ATM: variants seen among roughly 807,000 people sequenced by gnomAD.
ATM encodes the protein ATM serine/threonine kinase, also known as serine-protein kinase ATM.
A neutral mutation model predicts 387.0 loss-of-function variants in ATM; 308 were observed. The ratio of observed to expected loss-of-function variants is 0.80; its 90% CI spans 0.73 to 0.87. The LOEUF is 0.87. Ranked by LOEUF, ATM falls within the 40% of genes least tolerant of loss-of-function variation. The pLI, the probability that ATM is intolerant of heterozygous loss-of-function variation, is 0.00. For synonymous variants in ATM, 1,156 were observed against 1,187.3 expected, an observed-to-expected ratio of 0.97 and a Z score of 0.54; for missense variants, 3,312 against 3,560.9, an observed-to-expected ratio of 0.93 and a Z score of 1.78.
chr11:108,362,409 G>A (rs1053853953), intron 61 of ATM, among the ~76,000 whole-genome samples: 7 of 151,896 alleles, frequency 4.6e-5, no homozygotes, highest in Admixed American at 3.3e-4. Context: ...CAGGGATCTA[G>A]AATTAGAAAT....
At chr11:108,251,102 A>G (rs2080125225) in intron 10 of ATM, 30 bp downstream of exon 10, 2 of 1,613,088 alleles carry the variant, frequency 1.2e-6, no homozygotes, top group Non-Finnish European at 1.7e-6. Flanking sequence ...TGTCTGACTT[A>G]CAGATAAACA....
chr11:108,267,578 G>T (rs945201645), intron 17 of ATM, among the ~76,000 whole-genome samples: 2 of 151,858 alleles, frequency 1.3e-5, no homozygotes, highest in East Asian at 3.9e-4. Flanking sequence ...ATAAAACCAG[G>T]CCAGGCATGG....
chr11:108,293,247 A>AG, intron 30 of ATM, 66 bp from the exon 31 acceptor site: 6 of 1,015,452 alleles, frequency 5.9e-6, no homozygotes, highest in Non-Finnish European at 8.5e-6. Context: ...TATTACAGTA[A>AG]GTTTTGTTGG....
chr11:108,359,716 A>G (rs983458552), intron 61 of ATM, among the ~76,000 whole-genome samples: 5 of 152,156 alleles, frequency 3.3e-5, no homozygotes, highest in Admixed American at 1.3e-4. Flanking sequence ...TAATGAAATG[A>G]AGGCAGAAAT....
chr11:108,267,185 A>G lies in ATM; in HGVS notation c.2481A>G (p.Lys827=), dbSNP rs2135505455. Residue 827 remains lysine, a synonymous_variant, in exon 17 of 63, where the codon AAA becomes AAG. Coordinates refer to ENST00000675843, the MANE Select transcript of ATM (RefSeq NM_000051.4). ...DICKSLASFI[K]KPFDRGEVES... ...CTTCCTTGAAGGCATCCTTCATCAA[A>G]AAGCCATTTGACCGTGGAGAAGTAG... is the stretch of plus-strand genomic sequence containing the variant. The G allele has an allele frequency of 6.2e-7, 1 of 1,614,106 alleles. No individual in the cohort carries two copies. The highest frequency in any genetic ancestry group is 8.5e-7 in the Non-Finnish European group (1 of 1,180,010).
In ATM at chr11:108,369,079, T is replaced by G. The variant is rs921531831; in HGVS notation, c.*3571T>G. On this transcript the variant is annotated 3_prime_UTR_variant, in exon 63 of 63. Coordinates refer to ENST00000675843, the MANE Select transcript of ATM (RefSeq NM_000051.4). ...ACCTGAATTTATTATAAAGTGTTTT[T>G]GAATAAATAATTCTAAAAGCATATA... 1 of 172,240 alleles carries G rather than the reference T, an allele frequency of 5.8e-6. No individual in the cohort carries two copies. The highest frequency in any genetic ancestry group is 6.4e-5 in the Admixed American group (1 of 15,718). The allele number at this position is 172,240 out of a possible 1,614,324, so 10.7% of individuals were successfully genotyped here.
chr11:108,283,148 T>C (rs1182340273), intron 25 of ATM, among the ~76,000 whole-genome samples: 1 of 152,208 alleles, frequency 6.6e-6, no homozygotes, highest in Non-Finnish European at 1.5e-5. Context: ...GGTTTTTTAA[T>C]ATGTAAAGTA....
Position 108,321,476 on chromosome 11 carries a change from G to A in ATM, c.6572+56G>A. On this transcript the variant is annotated intron_variant, in intron 45 of 62. Transcript: ENST00000675843. ...AAGTGCAGCTTTTCTGTTACCAATA[G>A]TGACTTTAAAAAATAAAAACTATAG... 4 of 1,611,974 alleles carry A rather than the reference G, an allele frequency of 2.5e-6. No homozygotes were observed. The South Asian group carries it at 4.4e-5, about 18-fold the overall frequency.
At chr11:108,290,954 G>A (rs980452105) in intron 29 of ATM, among the ~76,000 whole-genome samples, 5 of 151,708 alleles carry the variant, frequency 3.3e-5, no homozygotes, top group East Asian at 1.9e-4. Flanking sequence ...GGGGTTGTTC[G>A]GCCGGGTGTA....
intron 16 of ATM, among the ~76,000 whole-genome samples, 185 bp from the exon 17 acceptor site, chr11:108,266,986 A>G (rs934676488): frequency 3.3e-5 from 5 of 151,838 alleles, no homozygotes; most frequent in African/African-American, 9.7e-5. Context: ...AATAGAGACA[A>G]GGTTTCACCA....
In ATM at chr11:108,347,275, C is replaced by A. The variant is rs1555139447; in HGVS notation, c.8585-4C>A. The A allele has an allele frequency of 8.8e-6, 14 of 1,596,994 alleles. No homozygotes were observed. Among genetic ancestry groups the A allele is most frequent in the African/African-American group, 1.3e-5 (1 of 74,440 alleles). ...TTCAGATTGTTTGTTTCTTTTTTCT[C>A]CAGTTGGTTACATACTTGGACTTGG... On this transcript the variant is annotated splice_region_variant and splice_polypyrimidine_tract_variant and intron_variant, in intron 58 of 62. Transcript: ENST00000675843.
intron 22 of ATM, among the ~76,000 whole-genome samples, chr11:108,276,866 T>C (rs2081977720): frequency 1.3e-5 from 2 of 152,148 alleles, no homozygotes; most frequent in Non-Finnish European, 2.9e-5. Flanking sequence ...GAGGAGGCAG[T>C]CTGTCCCTTA....
At position 108,272,710 on chromosome 11, in the gene ATM, C is replaced by A. The variant is rs781387283; in HGVS notation, c.3154-12C>A. The A allele has an allele frequency of 5.6e-6, 9 of 1,613,744 alleles. No homozygotes were observed. The East Asian group carries it at 8.9e-5, about 16-fold the overall frequency. ...CTCTATTTCATATTTAACCACAGTT[C>A]TTTTCCCGTAGGCTGATCCTTATTC... On this transcript the variant is annotated splice_polypyrimidine_tract_variant and intron_variant, in intron 21 of 62. Transcript: ENST00000675843.
intron 48 of ATM, 70 bp from the exon 49 acceptor site, chr11:108,328,951 A>G (rs1231569959): frequency 6.9e-7 from 1 of 1,448,058 alleles, no homozygotes; most frequent in African/African-American, 1.4e-5. Context: ...GTATTACCTT[A>G]ATTTGAGTGA....
At position 108,223,108 on chromosome 11, in the gene ATM, G is replaced by A; in HGVS notation, c.-109G>A. 1 of 185,796 alleles carries A rather than the reference G, an allele frequency of 5.4e-6. No individual in the cohort carries two copies. Among genetic ancestry groups the A allele is most frequent in the Non-Finnish European group, 1.2e-5 (1 of 86,740 alleles). 11.5% of individuals were successfully genotyped at this position (185,796 alleles called of 1,614,324 possible). ...AACGGAGAAAAGAAGCCGTGGCCGCGGGAGGAGGCGAGAGGAGTCGGGATC... is the reference window on the plus strand; with the variant it reads ...AACGGAGAAAAGAAGCCGTGGCCGCAGGAGGAGGCGAGAGGAGTCGGGATC... On this transcript the variant is annotated 5_prime_UTR_variant, in exon 1 of 63. Transcript: ENST00000675843.
intron 16 of ATM, among the ~76,000 whole-genome samples, chr11:108,264,611 A>G (rs1440936083): frequency 1.4e-5 from 2 of 147,774 alleles, no homozygotes; most frequent in Non-Finnish European, 1.5e-5. Context: ...TATTCAACAT[A>G]GTGTTGGAAG....
Position 108,257,613 on chromosome 11 carries a change from T to G in ATM, c.2376+7T>G, listed in dbSNP as rs2135408560. 6.2e-7 allele frequency: 1 copy of G among 1,612,804 alleles called. No homozygotes were observed. The highest frequency in any genetic ancestry group is 2.2e-5 in the East Asian group (1 of 44,822). ...CTTGAGCAACTGTACCAAGGTAAGATTTTCTTCTTCTTGTTTTGTTTTTTG... is the reference window on the plus strand; with the variant it reads ...CTTGAGCAACTGTACCAAGGTAAGAGTTTCTTCTTCTTGTTTTGTTTTTTG... On this transcript the variant is annotated splice_region_variant and intron_variant, in intron 15 of 62. Transcript: ENST00000675843.
In ATM at chr11:108,279,621, A is replaced by C. The variant is rs2082125198; in HGVS notation, c.3402+13A>C. The C allele has an allele frequency of 6.4e-7, 1 of 1,571,496 alleles. No individual in the cohort carries two copies. The highest frequency in any genetic ancestry group is 8.8e-7 in the Non-Finnish European group (1 of 1,141,816). On this transcript the variant is annotated intron_variant, in intron 23 of 62. Coordinates refer to ENST00000675843, the MANE Select transcript of ATM (RefSeq NM_000051.4). The stretch of plus-strand genomic sequence containing the variant: ...AATGAGAGAAATGGTAATTTTAAGT[A>C]ACATGTATTTGCTGTTATCATATGC...
chr11:108,313,421 T>C (rs1400733512), intron 40 of ATM, among the ~76,000 whole-genome samples: 1 of 152,192 alleles, frequency 6.6e-6, no homozygotes, highest in Non-Finnish European at 1.5e-5. Context: ...TTTCCCCCCC[T>C]TCCATTTATT....
Sources: allele counts gnomAD v4.1 joint callset (sites outside exome capture counted in the v4.1 genomes callset), GRCh38; gene constraint gnomAD v4.1.1; transcripts MANE v1.5; gene names NCBI Gene and HGNC (gene_info 2026-07-23, HGNC 2026-07-21).